The following CDKL4 variants were observed in gnomAD, a reference collection of about 807,000 sequenced individuals.
The protein encoded by CDKL4 is cyclin-dependent kinase-like 4.
Under a neutral mutation model 42.0 loss-of-function variants are expected in CDKL4, and 44 were observed. The ratio of observed to expected loss-of-function variants is 1.05; its 90% confidence interval spans 0.82 to 1.35. CDKL4 has a LOEUF of 1.35. CDKL4 is among the 40% of genes most tolerant of loss of function. The pLI, the probability that CDKL4 is intolerant of heterozygous loss-of-function variation, is 0.00. For synonymous variants in CDKL4, 120 were observed against 121.6 expected, an observed-to-expected ratio of 0.99 and a Z score of 0.09; for missense variants, 393 against 369.9, an observed-to-expected ratio of 1.06 and a Z score of -0.51.
intron 4 of CDKL4, among the ~76,000 whole-genome samples, chr2:39,209,260 C>T (rs548728634): frequency 1.4e-4 from 21 of 150,006 alleles, no homozygotes; most frequent in African/African-American, 1.5e-4. Flanking sequence ...TGCAGTGAGC[C>T]GTGAAGGCGC....
chr2:39,235,513 G>A lies in CDKL4; in HGVS notation c.-56-5925C>T, dbSNP rs975521344. Among the ~76,000 whole-genome samples, 3 of 152,294 alleles carry A rather than the reference G, an allele frequency of 2.0e-5. No individual in the cohort carries two copies. The East Asian group carries it at 5.8e-4, about 29-fold the overall frequency. Reference sequence around the variant, plus strand: ...GCCATTAATCTACTTAGGAGGCTGAGGCCTGAGGATTGATTGAGCTCAGGA... The same window carrying A: ...GCCATTAATCTACTTAGGAGGCTGAAGCCTGAGGATTGATTGAGCTCAGGA... On this transcript the variant is annotated intron_variant, in intron 1 of 9. Coordinates refer to ENST00000451199, the Ensembl canonical transcript of CDKL4.
chr2:39,228,053 A>G (rs1678865090), intron 2 of CDKL4, among the ~76,000 whole-genome samples: 1 of 152,228 alleles, frequency 6.6e-6, no homozygotes, highest in Admixed American at 6.5e-5. Context: ...TCAGAGACCA[A>G]GCTGAGTCAT....
intron 4 of CDKL4, among the ~76,000 whole-genome samples, chr2:39,212,364 G>C (rs1487199399): frequency 6.6e-6 from 1 of 151,568 alleles, no homozygotes; most frequent in Non-Finnish European, 1.5e-5. Context: ...CTCCCGAGTA[G>C]CTGGGACTAC....
chr2:39,240,000 G>A (rs1679578344), intron 1 of CDKL4, among the ~76,000 whole-genome samples: 1 of 152,168 alleles, frequency 6.6e-6, no homozygotes, highest in African/African-American at 2.4e-5. Flanking sequence ...TGAGGCAGGA[G>A]AATTGCTTGA....
At chr2:39,196,518 A>G (rs1038514806) in intron 5 of CDKL4, among the ~76,000 whole-genome samples, 1 of 152,246 alleles carries the variant, frequency 6.6e-6, no homozygotes, top group Non-Finnish European at 1.5e-5. Flanking sequence ...GAATCTGAAC[A>G]GCAGCCCTCA....
chr2:39,233,899 A>C (rs367785211), intron 1 of CDKL4, among the ~76,000 whole-genome samples: 5 of 130,318 alleles, frequency 3.8e-5, no homozygotes, highest in Non-Finnish European at 6.6e-5. Context: ...TATATATATA[A>C]ATTTTATTTT....
chr2:39,178,938 G>A (rs1007277310), intron 9 of CDKL4: 10 of 1,446,502 alleles, frequency 6.9e-6, no homozygotes, highest in East Asian at 2.5e-5. Context: ...TCCAATCAGA[G>A]CAGCCAAAGA....
intron 5 of CDKL4, among the ~76,000 whole-genome samples, chr2:39,200,744 C>A (rs1234273321): frequency 6.6e-6 from 1 of 152,044 alleles, no homozygotes; most frequent in Non-Finnish European, 1.5e-5. Flanking sequence ...GATGAATGGA[C>A]ACCTTATTAA....
At chr2:39,218,377 T>G (rs541394685) in intron 3 of CDKL4, among the ~76,000 whole-genome samples, 1 of 152,238 alleles carries the variant, frequency 6.6e-6, no homozygotes, top group South Asian at 2.1e-4. Context: ...GGTGAGTGTC[T>G]GTGGTCCCAG....
At chr2:39,229,861 A>G (rs1423743226) in intron 1 of CDKL4, among the ~76,000 whole-genome samples, 2 of 152,200 alleles carry the variant, frequency 1.3e-5, no homozygotes, top group African/African-American at 4.8e-5. Flanking sequence ...TATCCCATCT[A>G]TTGTTTTCAT....
At chr2:39,241,222 C>A (rs980631621) in intron 1 of CDKL4, among the ~76,000 whole-genome samples, 11 of 152,278 alleles carry the variant, frequency 7.2e-5, no homozygotes, top group African/African-American at 2.4e-4. Flanking sequence ...CTGATGTCTG[C>A]AACTTACTCT....
At chr2:39,168,213 T>G in the CDKL4 span, among the ~76,000 whole-genome samples, 1 of 152,018 alleles carries the variant, frequency 6.6e-6, no homozygotes, top group African/African-American at 2.4e-5. Flanking sequence ...AACTAACATA[T>G]AGCTACGACT....
chr2:39,214,892 T>C (rs187434128), intron 3 of CDKL4, among the ~76,000 whole-genome samples: 71 of 152,294 alleles, frequency 4.7e-4, no homozygotes, highest in Non-Finnish European at 9.1e-4. Flanking sequence ...TGGGCAGGTG[T>C]ATTTTCCACT....
At chr2:39,221,006 T>TTTTTTTTA (rs1678315022) in intron 3 of CDKL4, among the ~76,000 whole-genome samples, 1 of 53,806 alleles carries the variant, frequency 1.9e-5, no homozygotes, top group Non-Finnish European at 4.8e-5. Flanking sequence ...TTTTTGTTTT[T>TTTTTTTTA]TTTTTTGTTT....
chr2:39,242,578 A>G (rs1032001232), intron 1 of CDKL4, among the ~76,000 whole-genome samples: 2 of 152,164 alleles, frequency 1.3e-5, no homozygotes, highest in African/African-American at 4.8e-5. Flanking sequence ...CCTTAGTCTC[A>G]AGGGTTTGCA....
intron 1 of CDKL4, among the ~76,000 whole-genome samples, chr2:39,234,166 G>T (rs1342144010): frequency 2.6e-5 from 4 of 152,002 alleles, no homozygotes; most frequent in Non-Finnish European, 5.9e-5. Context: ...ACCTGCCTTG[G>T]CCTCCCAAAG....
chr2:39,232,648 C>T (rs1263600474), intron 1 of CDKL4, among the ~76,000 whole-genome samples: 3 of 152,176 alleles, frequency 2.0e-5, no homozygotes, highest in East Asian at 1.9e-4. Context: ...TCTCCTCATA[C>T]ATCTTCCACA....
chr2:39,174,732 C>G (rs1478560983), downstream of CDKL4, among the ~76,000 whole-genome samples: 1 of 152,088 alleles, frequency 6.6e-6, no homozygotes, highest in African/African-American at 2.4e-5. Context: ...CTGATTGCGC[C>G]TTTTTGCCTA....
chr2:39,190,430 G>C (rs1558551563), exon 6 of CDKL4: 9 of 1,614,078 alleles, frequency 5.6e-6, no homozygotes, highest in Non-Finnish European at 7.6e-6. Flanking sequence ...ACCATACTGA[G>C]TATCTCCCAC....
Sources: allele counts gnomAD v4.1 joint callset (sites outside exome capture counted in the v4.1 genomes callset), GRCh38; gene constraint gnomAD v4.1.1; transcripts MANE v1.5; gene names NCBI Gene and HGNC (gene_info 2026-07-23, HGNC 2026-07-21).